Variants in QTMAN observed in about 807,000 individuals in gnomAD.
QTMAN encodes queuosine-tRNA mannosyltransferase, also known as tRNA-queuosine alpha-mannosyltransferase.
chr2:144,119,756 G>T, the QTMAN span, among the ~76,000 whole-genome samples: 1 of 152,138 alleles, frequency 6.6e-6, no homozygotes, highest in Non-Finnish European at 1.5e-5. Context: ...GGAGTCTACT[G>T]TCTAAAGCTG....
chr2:143,940,419 A>C, the QTMAN span: 1 of 152,232 alleles, frequency 6.6e-6, no homozygotes, highest in African/African-American at 2.4e-5. Flanking sequence ...TATCTGTGTA[A>C]GGAAATATCG....
At chr2:144,054,069 T>A in the QTMAN span, among the ~76,000 whole-genome samples, 1 of 151,916 alleles carries the variant, frequency 6.6e-6, no homozygotes. Flanking sequence ...GCGCCTGTAG[T>A]CCCAGCTACT....
the QTMAN span, among the ~76,000 whole-genome samples, chr2:144,194,038 T>A: frequency 1.9e-4 from 29 of 152,102 alleles, no homozygotes; most frequent in Non-Finnish European, 4.0e-4. Flanking sequence ...CTACGTTTTT[T>A]AAAAAGTATT....
chr2:144,253,486 T>G, the QTMAN span, among the ~76,000 whole-genome samples: 2 of 152,154 alleles, frequency 1.3e-5, no homozygotes, highest in Non-Finnish European at 2.9e-5. Context: ...TTGTTGAATG[T>G]CTTTGGCCAA....
the QTMAN span, among the ~76,000 whole-genome samples, chr2:144,318,200 C>A: frequency 9.2e-5 from 13 of 141,628 alleles, no homozygotes; most frequent in South Asian, 4.4e-4. Flanking sequence ...AATAAACACA[C>A]ACACACACAC....
chr2:144,224,589 T>C, the QTMAN span, among the ~76,000 whole-genome samples: 1 of 152,116 alleles, frequency 6.6e-6, no homozygotes, highest in Non-Finnish European at 1.5e-5. Context: ...GGTTATTTTA[T>C]ACAGGGTTGT....
At chr2:144,286,295 G>A in the QTMAN span, among the ~76,000 whole-genome samples, 1 of 152,176 alleles carries the variant, frequency 6.6e-6, no homozygotes, top group East Asian at 1.9e-4. Flanking sequence ...TTAAGCCACT[G>A]TTTTGCAGCA....
the QTMAN span, among the ~76,000 whole-genome samples, chr2:144,108,143 A>G: frequency 6.6e-6 from 1 of 152,180 alleles, no homozygotes; most frequent in Non-Finnish European, 1.5e-5. Context: ...CCCACAGCCA[A>G]TATCATACTG....
chr2:144,297,581 T>TC, the QTMAN span, among the ~76,000 whole-genome samples: 5 of 145,682 alleles, frequency 3.4e-5, no homozygotes, highest in South Asian at 6.9e-4. Context: ...TTCCGTCTTT[T>TC]TTTTTTTTTT....
the QTMAN span, among the ~76,000 whole-genome samples, chr2:144,176,580 G>A: frequency 6.6e-6 from 1 of 152,060 alleles, no homozygotes; most frequent in Non-Finnish European, 1.5e-5. Context: ...ATATTAGAAA[G>A]CTCAACACCA....
the QTMAN span, among the ~76,000 whole-genome samples, chr2:144,302,374 C>T: frequency 9.3e-4 from 142 of 152,144 alleles, no homozygotes; most frequent in Middle Eastern, 3.4e-3. Flanking sequence ...CAATAGATTG[C>T]CCATAGCAAT....
chr2:144,090,981 T>C, the QTMAN span, among the ~76,000 whole-genome samples: 55 of 152,076 alleles, frequency 3.6e-4, no homozygotes, highest in African/African-American at 6.7e-4. Context: ...CAGTGTAGTA[T>C]TGACATCAAA....
At chr2:144,106,447 G>A in the QTMAN span, among the ~76,000 whole-genome samples, 1 of 152,100 alleles carries the variant, frequency 6.6e-6, no homozygotes, top group Admixed American at 6.5e-5. Flanking sequence ...AAAGGCAGGG[G>A]TTGCAATCCT....
At chr2:144,084,379 C>T in the QTMAN span, among the ~76,000 whole-genome samples, 41 of 152,212 alleles carry the variant, frequency 2.7e-4, no homozygotes, top group Non-Finnish European at 2.9e-5. Flanking sequence ...GTTTTGAAGG[C>T]TCTTCCAATA....
At chr2:144,069,666 G>GT in the QTMAN span, among the ~76,000 whole-genome samples, 2 of 151,950 alleles carry the variant, frequency 1.3e-5, no homozygotes, top group Admixed American at 1.3e-4. Context: ...ATTTTGAAAT[G>GT]ATTATAAGAA....
At chr2:144,329,834 T>G in the QTMAN span, among the ~76,000 whole-genome samples, 1 of 152,138 alleles carries the variant, frequency 6.6e-6, no homozygotes, top group Admixed American at 6.5e-5. Flanking sequence ...TCTGCTACCT[T>G]CAAAAATTAG....
chr2:144,028,505 A>C, the QTMAN span, among the ~76,000 whole-genome samples: 167 of 152,312 alleles, frequency 1.1e-3, 2 homozygotes, highest in African/African-American at 3.9e-3. Context: ...AGAACAAATG[A>C]GGCTGCTTCC....
chr2:144,003,000 A>C, the QTMAN span, among the ~76,000 whole-genome samples: 2 of 151,992 alleles, frequency 1.3e-5, no homozygotes, highest in Non-Finnish European at 2.9e-5. Flanking sequence ...TTTAAAATGT[A>C]ATGTTGCTAT....
At chr2:144,034,302 T>C in the QTMAN span, among the ~76,000 whole-genome samples, 3 of 152,208 alleles carry the variant, frequency 2.0e-5, no homozygotes, top group Non-Finnish European at 2.9e-5. Flanking sequence ...CCAGGAAAGC[T>C]AGGTGTTTCA....
Sources: allele counts gnomAD v4.1 joint callset (sites outside exome capture counted in the v4.1 genomes callset), GRCh38; gene constraint gnomAD v4.1.1; transcripts MANE v1.5; gene names NCBI Gene and HGNC (gene_info 2026-07-23, HGNC 2026-07-21).